The following SV2C variants were observed in gnomAD, a reference collection of about 807,000 sequenced individuals.
SV2C encodes the protein synaptic vesicle glycoprotein 2C.
A neutral mutation model predicts 79.7 loss-of-function variants in SV2C; 49 were observed. The ratio of observed to expected loss-of-function variants is 0.61; its 90% CI spans 0.49 to 0.78. The LOEUF (loss-of-function observed/expected upper bound fraction) is 0.78. SV2C is among the 30% of genes least tolerant of loss of function. SV2C has a pLI of 0.00. For synonymous variants in SV2C, 334 were observed against 333.2 expected, an observed-to-expected ratio of 1.00 and a Z score of -0.03; for missense variants, 833 against 912.9, an observed-to-expected ratio of 0.91 and a Z score of 1.13.
intron 4 of SV2C, among the ~76,000 whole-genome samples, chr5:76,278,935 G>A (rs1362278560): frequency 6.6e-6 from 1 of 152,336 alleles, no homozygotes; most frequent in East Asian, 1.9e-4. Flanking sequence ...TGTTGCTAAA[G>A]GTCAGGGGAA....
the SV2C span, among the ~76,000 whole-genome samples, chr5:75,968,449 G>A: frequency 2.4e-4 from 36 of 152,170 alleles, no homozygotes; most frequent in Non-Finnish European, 3.4e-4. Context: ...ATGAATGGAC[G>A]ACTAGAAAAA....
At chr5:76,132,563 C>G (rs1194480290) in intron 2 of SV2C, among the ~76,000 whole-genome samples, 1 of 152,176 alleles carries the variant, frequency 6.6e-6, no homozygotes, top group Non-Finnish European at 1.5e-5. Flanking sequence ...TCTTTATCAT[C>G]TCTCCATCAA....
intron 1 of SV2C, among the ~76,000 whole-genome samples, chr5:76,121,776 GTAGTA>G (rs1748506158): frequency 6.6e-6 from 1 of 151,788 alleles, no homozygotes; most frequent in South Asian, 2.1e-4. Flanking sequence ...CTGTAGCCTT[GTAGTA>G]TAGTTTGAAG....
chr5:76,130,122 C>T (rs576533429), intron 1 of SV2C, among the ~76,000 whole-genome samples: 2 of 135,942 alleles, frequency 1.5e-5, no homozygotes, highest in African/African-American at 5.9e-5. Flanking sequence ...CTCTCTTCCT[C>T]CCTTTCTCTT....
chr5:76,235,611 T>A (rs1745585759), intron 4 of SV2C, among the ~76,000 whole-genome samples: 1 of 152,218 alleles, frequency 6.6e-6, no homozygotes, highest in Non-Finnish European at 1.5e-5. Flanking sequence ...GTCACTGAGG[T>A]GTATTGTGAA....
chr5:75,940,032 G>A, the SV2C span, among the ~76,000 whole-genome samples: 9 of 152,120 alleles, frequency 5.9e-5, no homozygotes, highest in Non-Finnish European at 1.2e-4. Flanking sequence ...GAAATTATAT[G>A]TGCAGGAGTG....
At chr5:76,078,117 A>G in the SV2C span, among the ~76,000 whole-genome samples, 185 of 152,304 alleles carry the variant, frequency 1.2e-3, 2 homozygotes, top group Middle Eastern at 0.014. Flanking sequence ...GATTTATAGC[A>G]GTAGGTTTCA....
chr5:76,043,199 T>C, the SV2C span, among the ~76,000 whole-genome samples: 2 of 152,206 alleles, frequency 1.3e-5, no homozygotes, highest in Non-Finnish European at 2.9e-5. Context: ...TAGCCATCTG[T>C]GGCAGCCAGC....
At chr5:76,298,085 T>C (rs1269692189) in intron 9 of SV2C, among the ~76,000 whole-genome samples, 1 of 152,172 alleles carries the variant, frequency 6.6e-6, no homozygotes, top group African/African-American at 2.4e-5. Context: ...TTCCCCCTTA[T>C]AATACCCAAA....
the SV2C span, among the ~76,000 whole-genome samples, chr5:76,040,670 G>A: frequency 6.6e-6 from 1 of 152,188 alleles, no homozygotes; most frequent in Admixed American, 6.5e-5. Flanking sequence ...CAAATGGGCT[G>A]AATGTGAACA....
At chr5:75,988,717 G>C in the SV2C span, among the ~76,000 whole-genome samples, 1 of 151,916 alleles carries the variant, frequency 6.6e-6, no homozygotes, top group African/African-American at 2.4e-5. Context: ...AGGCCTGAAG[G>C]AAACCAGAAT....
At chr5:76,302,569 G>C (rs1580051150) in intron 12 of SV2C, among the ~76,000 whole-genome samples, 1 of 143,668 alleles carries the variant, frequency 7.0e-6, no homozygotes, top group Middle Eastern at 3.8e-3. Flanking sequence ...GGCGGAGGTT[G>C]CAGTTAGCCA....
chr5:76,281,753 A>C (rs1747203380), intron 4 of SV2C, among the ~76,000 whole-genome samples: 1 of 152,114 alleles, frequency 6.6e-6, no homozygotes, highest in Non-Finnish European at 1.5e-5. Flanking sequence ...CAGCATCTTC[A>C]AGTCTCTCTC....
chr5:76,343,431 C>G (rs1365926609), intron 12 of SV2C, among the ~76,000 whole-genome samples: 1 of 152,026 alleles, frequency 6.6e-6, no homozygotes, highest in Non-Finnish European at 1.5e-5. Context: ...GAAAAAATAT[C>G]CAGAAGATTA....
chr5:76,063,206 A>G, the SV2C span, among the ~76,000 whole-genome samples: 1 of 152,102 alleles, frequency 6.6e-6, no homozygotes, highest in Non-Finnish European at 1.5e-5. Flanking sequence ...ACTCCTATCG[A>G]GAGCAAGTTT....
intron 4 of SV2C, among the ~76,000 whole-genome samples, chr5:76,266,123 A>C (rs529075048): frequency 4.7e-4 from 71 of 151,566 alleles, no homozygotes; most frequent in African/African-American, 1.6e-3. Context: ...AGAAAGCCAA[A>C]GAGACAAATA....
the SV2C span, among the ~76,000 whole-genome samples, chr5:75,982,459 C>A: frequency 2.6e-5 from 4 of 152,106 alleles, no homozygotes; most frequent in East Asian, 7.8e-4. Flanking sequence ...AAAGTCAAAA[C>A]ACAACAGATG....
At chr5:76,279,872 C>T (rs1747129217) in intron 4 of SV2C, among the ~76,000 whole-genome samples, 1 of 152,096 alleles carries the variant, frequency 6.6e-6, no homozygotes, top group Non-Finnish European at 1.5e-5. Flanking sequence ...CAGATACTTA[C>T]AGGAGTTCCG....
At chr5:75,999,371 GAGAA>G in the SV2C span, among the ~76,000 whole-genome samples, 1 of 91,746 alleles carries the variant, frequency 1.1e-5, no homozygotes, top group Non-Finnish European at 2.1e-5. Context: ...GGGAGGGAGG[GAGAA>G]AGAGAGAGAG....
Sources: gnomAD v4.1 joint callset for allele counts (sites outside exome capture counted in the v4.1 genomes callset) on GRCh38, gnomAD v4.1.1 for gene constraint, MANE v1.5 for transcripts, NCBI Gene and HGNC (gene_info 2026-07-23, HGNC 2026-07-21) for gene names.